Variants in IL1RAPL1 observed in about 807,000 individuals in gnomAD.
The protein encoded by IL1RAPL1 is interleukin-1 receptor accessory protein-like 1.
A neutral mutation model predicts 48.4 loss-of-function variants in IL1RAPL1; 3 were observed. The observed-to-expected ratio is 0.06, with a 90% CI of 0.03 to 0.16. IL1RAPL1 has a LOEUF of 0.16. Ranked by LOEUF, IL1RAPL1 falls within the 10% of genes least tolerant of loss-of-function variation. The pLI, the probability that IL1RAPL1 is intolerant of heterozygous loss-of-function variation, is 1.00. For missense variants in IL1RAPL1, 349 were observed against 530.6 expected, an observed-to-expected ratio of 0.66 and a Z score of 3.36; for synonymous variants, 185 against 187.7, an observed-to-expected ratio of 0.99 and a Z score of 0.12.
intron 5 of IL1RAPL1, among the ~76,000 whole-genome samples, chrX:29,428,594 A>T (rs952842935): frequency 9.9e-5 from 11 of 111,182 alleles, no homozygotes; most frequent in African/African-American, 3.3e-4. Flanking sequence ...AAAACTTTCT[A>T]AGACTATGTA....
intron 2 of IL1RAPL1, among the ~76,000 whole-genome samples, chrX:28,834,177 G>A (rs1054444723): frequency 9.0e-6 from 1 of 111,043 alleles, no homozygotes; most frequent in African/African-American, 3.3e-5. Context: ...ACACACCAAA[G>A]GTAAACTACA....
Position 28,944,945 on chromosome X carries a change from ACACT to A in IL1RAPL1, c.82+155521_82+155524del, listed in dbSNP as rs200143188. ...TTATGTGGCATAAACACGCACACAC[ACACT>A]GTGTGTGTGTATATATATGTTTGTA... On this transcript the variant is annotated intron_variant, in intron 2 of 10. Transcript: ENST00000378993. 1.5e-4 allele frequency among the ~76,000 whole-genome samples: 17 copies of A among 110,531 alleles called. No individual in the cohort carries two copies. The East Asian group carries it at 4.9e-3, about 32-fold the overall frequency.
chrX:29,711,688 T>C (rs1490055647), intron 6 of IL1RAPL1, among the ~76,000 whole-genome samples: 1 of 111,485 alleles, frequency 9.0e-6, no homozygotes, highest in African/African-American at 3.3e-5. Flanking sequence ...TATTTAATTA[T>C]TCTCTTTCCC....
At chrX:29,632,310 T>A (rs1924801432) in intron 5 of IL1RAPL1, among the ~76,000 whole-genome samples, 1 of 109,625 alleles carries the variant, frequency 9.1e-6, no homozygotes, top group Non-Finnish European at 1.9e-5. Flanking sequence ...CACCACACCC[T>A]GCTAATTTTT....
intron 5 of IL1RAPL1, among the ~76,000 whole-genome samples, chrX:29,429,880 ATGTGTG>A (rs746046525): frequency 2.2e-5 from 2 of 92,502 alleles, no homozygotes; most frequent in Admixed American, 1.2e-4. Flanking sequence ...GTGTATATAT[ATGTGTG>A]TGTGTGTGGT....
At chrX:29,301,573 C>G (rs1025410977) in intron 3 of IL1RAPL1, among the ~76,000 whole-genome samples, 4 of 111,672 alleles carry the variant, frequency 3.6e-5, no homozygotes, top group Non-Finnish European at 7.5e-5. Flanking sequence ...AACACACATA[C>G]TTTTTAATAT....
intron 5 of IL1RAPL1, among the ~76,000 whole-genome samples, chrX:29,430,698 A>T (rs1371687335): frequency 1.8e-5 from 2 of 110,405 alleles, no homozygotes; most frequent in African/African-American, 6.6e-5. Flanking sequence ...GTGTGTGTAT[A>T]TATGTAAATA....
chrX:29,181,411 A>G (rs989471845), intron 2 of IL1RAPL1, among the ~76,000 whole-genome samples: 1 of 111,849 alleles, frequency 8.9e-6, no homozygotes, highest in East Asian at 2.8e-4. Context: ...CTAAACCTAT[A>G]ATTTTTTACA....
At position 28,737,081 on chromosome X, in the gene IL1RAPL1, TC is replaced by T. The variant is rs1935836085; in HGVS notation, c.-24-52238del. Among the ~76,000 whole-genome samples the T allele has an allele frequency of 4.7e-5, 5 of 106,683 alleles. No individual in the cohort carries two copies. The South Asian group carries it at 2.1e-3, about 45-fold the overall frequency. 92.6% of individuals were successfully genotyped at this position (106,683 alleles called of 115,157 possible). On this transcript the variant is annotated intron_variant, in intron 1 of 10. Transcript: ENST00000378993. ...TCTTTTCTTTTCTTTTCTTTTCTTT[TC>T]TTTTCGTTTTGTTTCTTTTCTTTTC...
intron 2 of IL1RAPL1, among the ~76,000 whole-genome samples, chrX:29,281,459 T>C (rs749432879): frequency 4.5e-5 from 5 of 110,817 alleles, no homozygotes; most frequent in Non-Finnish European, 7.5e-5. Context: ...ATTTGGAAGA[T>C]GGTACCTGCA....
chrX:29,834,457 G>A (rs942637608), intron 6 of IL1RAPL1, among the ~76,000 whole-genome samples: 10 of 106,615 alleles, frequency 9.4e-5, no homozygotes, highest in Admixed American at 5.0e-4. Context: ...ACCTCTCAAC[G>A]CTACCCCTTG....
At chrX:29,141,472 C>T (rs1009318428) in intron 2 of IL1RAPL1, among the ~76,000 whole-genome samples, 2 of 111,385 alleles carry the variant, frequency 1.8e-5, no homozygotes, top group Non-Finnish European at 3.8e-5. Flanking sequence ...AATATTTTTA[C>T]ACTCTATTAC....
intron 3 of IL1RAPL1, among the ~76,000 whole-genome samples, chrX:29,308,065 C>T (rs965233708): frequency 5.4e-5 from 6 of 111,805 alleles, no homozygotes; most frequent in African/African-American, 1.6e-4. Context: ...GACAGAAAAC[C>T]GAGATCAAAG....
In IL1RAPL1 at chrX:29,213,302, T is replaced by A. The variant is rs761282743; in HGVS notation, c.83-69636T>A. Among the ~76,000 whole-genome samples the A allele has an allele frequency of 4.4e-5, 5 of 112,512 alleles. No individual in the cohort carries two copies. In the East Asian group the frequency reaches 1.1e-3, roughly 25 times the overall value. On this transcript the variant is annotated intron_variant, in intron 2 of 10. Transcript: ENST00000378993. ...CGTGAGCCACCGCGCCTGGCCAGAA[T>A]TAGACAACTTCTAATCTCTATTCCC... is the stretch of plus-strand genomic sequence containing the variant.
intron 2 of IL1RAPL1, among the ~76,000 whole-genome samples, chrX:29,241,415 A>G (rs952489490): frequency 9.0e-6 from 1 of 111,676 alleles, no homozygotes; most frequent in African/African-American, 3.3e-5. Flanking sequence ...CTCTCATTTA[A>G]AAATGAGTTT....
intron 2 of IL1RAPL1, among the ~76,000 whole-genome samples, chrX:29,079,705 A>G (rs1927758435): frequency 9.1e-6 from 1 of 109,681 alleles, no homozygotes; most frequent in South Asian, 3.9e-4. Context: ...GAGAAGGAAT[A>G]GTTAAGGCAG....
rs571791556 is a variant in IL1RAPL1, at chrX:29,899,503, G to A, written c.779-17961G>A. ...AAGAATGAAAAGAACTCTGAGAGAC[G>A]TAGCTTTGGTCATAGACTAGAAATG... On this transcript the variant is annotated intron_variant, in intron 6 of 10. Coordinates refer to ENST00000378993, the MANE Select transcript of IL1RAPL1 (RefSeq NM_014271.4). Among the ~76,000 whole-genome samples, 6 of 110,083 alleles carry A rather than the reference G, an allele frequency of 5.5e-5. No homozygotes were observed. The South Asian group carries it at 1.6e-3, about 29-fold the overall frequency.
rs1039241680 is a variant in IL1RAPL1 at position 29,956,628 on chromosome X, G to A, written c.*808G>A. ...GAAATTGGGGAAGAGTGTTATTTCC[G>A]TTTTTTAAATGAGTTGATGTACCCT... On this transcript the variant is annotated 3_prime_UTR_variant, in exon 11 of 11. Transcript: ENST00000378993. The A allele has an allele frequency of 7.0e-5, 7 of 100,370 alleles. 1 individual carries two copies. 8.3% of individuals were successfully genotyped at this position (100,370 alleles called of 1,213,427 possible). A position where few individuals can be genotyped will look rare whatever the true frequency, so the allele number is the denominator to read the frequency against.
intron 6 of IL1RAPL1, among the ~76,000 whole-genome samples, chrX:29,879,358 T>A (rs372015401): frequency 7.4e-5 from 2 of 27,131 alleles, no homozygotes; most frequent in South Asian, 9.6e-4. Context: ...GTTTTATATA[T>A]GTGTGTGTGT....
Sources: allele counts gnomAD v4.1 joint callset (sites outside exome capture counted in the v4.1 genomes callset), GRCh38; gene constraint gnomAD v4.1.1; transcripts MANE v1.5; gene names NCBI Gene and HGNC (gene_info 2026-07-23, HGNC 2026-07-21).